Variants in RASGRP1 observed in about 807,000 individuals in gnomAD.
The protein encoded by RASGRP1 is RAS guanyl releasing protein 1.
RASGRP1 carries 37 observed loss-of-function variants against 95.1 expected under a neutral mutation model. That is an observed-to-expected ratio of 0.39 (90% CI 0.30 to 0.51). RASGRP1 has a LOEUF of 0.51. Among genes scored for constraint, RASGRP1 ranks in the 20% least tolerant of loss-of-function variants. The probability of loss-of-function intolerance (pLI) is 0.80; values close to 1 mark genes in which losing one functional copy is unlikely to be tolerated. For synonymous variants in RASGRP1, 325 were observed against 353.4 expected, an observed-to-expected ratio of 0.92 and a Z score of 0.90; for missense variants, 711 against 965.4, an observed-to-expected ratio of 0.74 and a Z score of 3.49.
intron 1 of RASGRP1, among the ~76,000 whole-genome samples, chr15:38,563,195 C>G (rs1416833638): frequency 6.6e-6 from 1 of 152,046 alleles, no homozygotes; most frequent in East Asian, 1.9e-4. Flanking sequence ...TGGGAGTAGA[C>G]AAGGATTTAT....
chr15:38,521,023 A>G (rs1891981144), intron 3 of RASGRP1, among the ~76,000 whole-genome samples: 2 of 152,308 alleles, frequency 1.3e-5, no homozygotes, highest in Non-Finnish European at 2.9e-5. Flanking sequence ...AAAACCCTAC[A>G]CATCAACAAA....
intron 16 of RASGRP1, among the ~76,000 whole-genome samples, chr15:38,491,374 A>C (rs141487996): frequency 2.2e-4 from 34 of 152,298 alleles, no homozygotes; most frequent in African/African-American, 6.0e-4. Flanking sequence ...TATAATAGTG[A>C]GCACTTGCTA....
chr15:38,507,194 A>G (rs1595834385), intron 9 of RASGRP1, among the ~76,000 whole-genome samples: 1 of 152,332 alleles, frequency 6.6e-6, no homozygotes, highest in East Asian at 1.9e-4. Flanking sequence ...AAGGGAGTTC[A>G]TCATCTGATC....
rs371449065 is a variant in RASGRP1 at position 38,516,197 on chromosome 15, C to T, written c.675G>A (p.Ser225=). 2.5e-5 allele frequency: 39 copies of T among 1,586,044 alleles called. No individual in the cohort carries two copies. The East Asian group carries it at 4.0e-4, about 16-fold the overall frequency. ...TTTCTCCTGCCCCTTGCATACATAC[C>T]GATATCCTCCGGAAAGACTTGAACT... ...YLEFKSFRRI[S]FSDYQNYLVN... The change falls in exon 6 of 17, where the codon TCG becomes TCA. Residue 225 remains serine, a splice_region_variant and synonymous_variant. Coordinates refer to ENST00000310803, the MANE Select transcript of RASGRP1 (RefSeq NM_005739.4).
intron 2 of RASGRP1, among the ~76,000 whole-genome samples, chr15:38,557,885 G>A (rs1183884916): frequency 1.3e-5 from 2 of 152,088 alleles, no homozygotes; most frequent in Non-Finnish European, 2.9e-5. Context: ...CGTTGCCTTT[G>A]GAAGGTCTGT....
chr15:38,557,917 G>A (rs543132198), intron 2 of RASGRP1, among the ~76,000 whole-genome samples: 1 of 152,200 alleles, frequency 6.6e-6, no homozygotes, highest in African/African-American at 2.4e-5. Flanking sequence ...AATTAGGCTT[G>A]GTTATTTGGC....
At chr15:38,497,772 A>T (rs1388493421) in intron 15 of RASGRP1, among the ~76,000 whole-genome samples, 1 of 152,128 alleles carries the variant, frequency 6.6e-6, no homozygotes, top group African/African-American at 2.4e-5. Flanking sequence ...ACTCAAAGTC[A>T]TTTCCTTATT....
At chr15:38,517,845 C>G (rs529750922) in intron 5 of RASGRP1, among the ~76,000 whole-genome samples, 3 of 152,298 alleles carry the variant, frequency 2.0e-5, no homozygotes, top group Non-Finnish European at 4.4e-5. Flanking sequence ...TCCCATCCAG[C>G]TCTGGAAGTC....
At chr15:38,524,970 CTTTTT>C (rs5812043) in intron 3 of RASGRP1, among the ~76,000 whole-genome samples, 2 of 140,952 alleles carry the variant, frequency 1.4e-5, no homozygotes, top group African/African-American at 2.6e-5. Flanking sequence ...AATTTTCTTT[CTTTTT>C]TTTTTTTTTT....
intron 6 of RASGRP1, 112 bp downstream of exon 6, chr15:38,516,085 G>C: frequency 7.8e-7 from 1 of 1,279,862 alleles, no homozygotes; most frequent in South Asian, 1.4e-5. Context: ...AGGAAAGCCT[G>C]CCACGACTTG....
In RASGRP1 at chr15:38,489,823, ATATGAGATGGTAATAGC is replaced by A. The variant is rs1890500781; in HGVS notation, c.*714_*730del. 4 of 152,100 alleles carry A rather than the reference ATATGAGATGGTAATAGC, an allele frequency of 2.6e-5. No homozygotes were observed. The allele number at this position is 152,100 out of a possible 1,614,324, so 9.4% of individuals were successfully genotyped here. A position where few individuals can be genotyped will look rare whatever the true frequency, so the allele number is the denominator to read the frequency against. On this transcript the variant is annotated 3_prime_UTR_variant, in exon 17 of 17. Transcript: ENST00000310803. ...TTATGTTTATTTTAATTAGACAGTA[ATATGAGATGGTAATAGC>A]TATGTTTCCAGGTACCTAATTTGAT...
At chr15:38,523,847 G>A (rs907762952) in intron 3 of RASGRP1, among the ~76,000 whole-genome samples, 8 of 152,144 alleles carry the variant, frequency 5.3e-5, no homozygotes, top group South Asian at 4.1e-4. Flanking sequence ...AGGCTGTACC[G>A]TCTAGCCTAG....
At chr15:38,507,266 C>T (rs775425226) in intron 9 of RASGRP1, among the ~76,000 whole-genome samples, 1 of 152,224 alleles carries the variant, frequency 6.6e-6, no homozygotes, top group Middle Eastern at 3.2e-3. Context: ...TTCATCTTCA[C>T]TTGAATATCT....
intron 16 of RASGRP1, among the ~76,000 whole-genome samples, chr15:38,493,179 C>CTTTTTT (rs71418810): frequency 4.8e-5 from 5 of 104,532 alleles, no homozygotes; most frequent in Non-Finnish European, 7.5e-5. Flanking sequence ...CACGCCGGGC[C>CTTTTTT]TTTTTTTTTT....
Position 38,516,365 on chromosome 15 carries a change from TG to T in RASGRP1, c.522-16del. The T allele has an allele frequency of 6.2e-7, 1 of 1,604,646 alleles. No homozygotes were observed. Among genetic ancestry groups the T allele is most frequent in the Non-Finnish European group, 8.5e-7 (1 of 1,171,594 alleles). On this transcript the variant is annotated splice_polypyrimidine_tract_variant and intron_variant, in intron 5 of 16. Transcript: ENST00000310803. ...CACGGGCATTGCTTTTGTGGGTAAA[TG>T]TGAAAGGGAGAAGACAGGGAAAAGG...
intron 6 of RASGRP1, among the ~76,000 whole-genome samples, chr15:38,513,685 C>T (rs1414485390): frequency 6.6e-6 from 1 of 152,182 alleles, no homozygotes; most frequent in Non-Finnish European, 1.5e-5. Context: ...CTGGAAATGT[C>T]CCTGAAGATC....
In RASGRP1 at chr15:38,512,948, A is replaced by G. The variant is rs1223968540; in HGVS notation, c.684T>C (p.Asp228=). The change falls in exon 7 of 17, where the codon GAT becomes GAC. Residue 228 remains aspartate (D), a synonymous_variant. Coordinates refer to ENST00000310803, the MANE Select transcript of RASGRP1 (RefSeq NM_005739.4). ...FKSFRRISFS[D]YQNYLVNSCV... Reference sequence around the variant, plus strand: ...AGCTATTTACAAGGTAATTCTGATAATCAGAGAACTGCAGGAAAAGAAACA... The same window carrying G: ...AGCTATTTACAAGGTAATTCTGATAGTCAGAGAACTGCAGGAAAAGAAACA... The G allele has an allele frequency of 1.3e-6, 2 of 1,543,026 alleles. No homozygotes were observed. Among genetic ancestry groups the G allele is most frequent in the African/African-American group, 1.4e-5 (1 of 72,044 alleles).
At chr15:38,560,156 T>C (rs375426047) in intron 1 of RASGRP1, 151 bp from the exon 2 acceptor site, 5 of 706,788 alleles carry the variant, frequency 7.1e-6, no homozygotes, top group East Asian at 2.7e-5. Flanking sequence ...ATGCACCAAA[T>C]GACTGGTTGG....
At chr15:38,532,451 A>C (rs1463526048) in intron 2 of RASGRP1, among the ~76,000 whole-genome samples, 2 of 152,180 alleles carry the variant, frequency 1.3e-5, no homozygotes, top group East Asian at 3.9e-4. Flanking sequence ...AAAACAGAAA[A>C]ACTAAGCGGA....
Sources: allele counts gnomAD v4.1 joint callset (sites outside exome capture counted in the v4.1 genomes callset), GRCh38; gene constraint gnomAD v4.1.1; transcripts MANE v1.5; gene names NCBI Gene and HGNC (gene_info 2026-07-23, HGNC 2026-07-21).